The following MAML2 variants were observed in gnomAD, a reference collection of about 807,000 sequenced individuals.
The protein encoded by MAML2 is mastermind like transcriptional coactivator 2.
A neutral mutation model predicts 96.1 loss-of-function variants in MAML2; 22 were observed. That is an observed-to-expected ratio of 0.23 (90% confidence interval 0.16 to 0.33). The LOEUF (loss-of-function observed/expected upper bound fraction) is 0.33, where lower values mean the gene tolerates loss of function less well. MAML2 is among the 10% of genes least tolerant of loss of function. MAML2 has a pLI of 1.00. For missense variants in MAML2, 1,367 were observed against 1,392.4 expected (o/e 0.98, Z 0.29); for synonymous variants, 561 against 521.3 (o/e 1.08, Z -1.04).
chr11:96,178,886 G>C (rs867999367), intron 1 of MAML2, among the ~76,000 whole-genome samples: 5 of 152,150 alleles, frequency 3.3e-5, no homozygotes, highest in African/African-American at 1.2e-4. Context: ...GCTATTGGGG[G>C]AAGAAGATAA....
In MAML2 at chr11:96,119,224, CTG is replaced by C. The variant is rs149173693; in HGVS notation, c.514-25709_514-25708del. 7.1e-3 allele frequency among the ~76,000 whole-genome samples: 1,081 copies of C among 152,266 alleles called. 29 individuals carry two copies. The highest frequency in any genetic ancestry group is 0.024 in the African/African-American group (1,010 of 41,550). ...ATGTGAACTTACATGGCAAAAGAGA[CTG>C]TGTTCTAAAATTTAGTTAAGGATCT... is the stretch of plus-strand genomic sequence containing the variant. On this transcript the variant is annotated intron_variant, in intron 1 of 4. Transcript: ENST00000524717.
intron 2 of MAML2, among the ~76,000 whole-genome samples, chr11:96,082,684 T>C (rs985864609): frequency 1.3e-5 from 2 of 152,134 alleles, no homozygotes; most frequent in South Asian, 4.1e-4. Flanking sequence ...GCCTCATCCC[T>C]AAGGAGTATG....
At chr11:96,101,141 T>C (rs1179795267) in intron 1 of MAML2, among the ~76,000 whole-genome samples, 1 of 152,162 alleles carries the variant, frequency 6.6e-6, no homozygotes, top group Non-Finnish European at 1.5e-5. Context: ...GAAGTCAACA[T>C]ACTGCCCTTC....
intron 3 of MAML2, 127 bp downstream of exon 3, chr11:95,991,393 C>A: frequency 1.2e-6 from 1 of 856,470 alleles, no homozygotes; most frequent in Non-Finnish European, 1.9e-6. Context: ...TGGAATTATC[C>A]TCTCTTACAG....
chr11:96,328,045 A>G (rs1007340773), intron 1 of MAML2, among the ~76,000 whole-genome samples: 1 of 152,080 alleles, frequency 6.6e-6, no homozygotes, highest in African/African-American at 2.4e-5. Context: ...ACAGTGAGCC[A>G]AGATTGTGCC....
chr11:96,326,927 T>A (rs897326662), intron 1 of MAML2, among the ~76,000 whole-genome samples: 1 of 152,190 alleles, frequency 6.6e-6, no homozygotes, highest in East Asian at 1.9e-4. Context: ...CTGCCCAGGT[T>A]CTTGGTCTCA....
At chr11:96,162,485 G>A (rs984778583) in intron 1 of MAML2, among the ~76,000 whole-genome samples, 6 of 151,734 alleles carry the variant, frequency 4.0e-5, no homozygotes, top group East Asian at 1.9e-4. Context: ...AGGCTGAGGC[G>A]GGCGGATCAC....
chr11:96,336,402 T>C (rs1330659087), intron 1 of MAML2, among the ~76,000 whole-genome samples: 2 of 152,250 alleles, frequency 1.3e-5, no homozygotes. Flanking sequence ...TGTTACTTTA[T>C]TGAAGTGGTT....
At chr11:96,262,500 C>G (rs552027617) in intron 1 of MAML2, among the ~76,000 whole-genome samples, 148 of 151,146 alleles carry the variant, frequency 9.8e-4, no homozygotes, top group South Asian at 6.0e-3. Flanking sequence ...TGGAGTCTCG[C>G]TCTGTTGCCC....
intron 1 of MAML2, among the ~76,000 whole-genome samples, chr11:96,096,311 T>G (rs960582244): frequency 6.6e-6 from 1 of 152,174 alleles, no homozygotes; most frequent in Non-Finnish European, 1.5e-5. Context: ...ATAGAATTAG[T>G]GATAATTGTA....
At chr11:96,023,174 A>T (rs1858462496) in intron 2 of MAML2, among the ~76,000 whole-genome samples, 1 of 152,176 alleles carries the variant, frequency 6.6e-6, no homozygotes. Flanking sequence ...CCACTATGCT[A>T]CTGACAGAAA....
chr11:96,009,757 T>C (rs892812366), intron 2 of MAML2, among the ~76,000 whole-genome samples: 2 of 152,216 alleles, frequency 1.3e-5, no homozygotes, highest in African/African-American at 4.8e-5. Context: ...TAAATGCAAA[T>C]AATAATTCAC....
intron 2 of MAML2, among the ~76,000 whole-genome samples, chr11:96,082,463 G>A (rs1314973769): frequency 1.3e-5 from 2 of 152,174 alleles, no homozygotes; most frequent in Non-Finnish European, 2.9e-5. Context: ...AAGGGCTGGG[G>A]TTCCAAGATA....
intron 1 of MAML2, among the ~76,000 whole-genome samples, chr11:96,155,875 G>A (rs968542776): frequency 2.6e-5 from 4 of 152,106 alleles, no homozygotes; most frequent in African/African-American, 9.7e-5. Flanking sequence ...TAACTGCAAT[G>A]TGGCCTCTGT....
intron 1 of MAML2, among the ~76,000 whole-genome samples, chr11:96,272,960 G>A (rs1224953201): frequency 6.6e-6 from 1 of 152,198 alleles, no homozygotes; most frequent in African/African-American, 2.4e-5. Context: ...GCACGCAGTT[G>A]TAAGGCTGAG....
At chr11:96,254,570 C>T (rs1278487943) in intron 1 of MAML2, among the ~76,000 whole-genome samples, 1 of 151,406 alleles carries the variant, frequency 6.6e-6, no homozygotes, top group Non-Finnish European at 1.5e-5. Flanking sequence ...CTTTACATTG[C>T]CCCATTCTAA....
At chr11:96,294,958 A>C (rs1008384486) in intron 1 of MAML2, among the ~76,000 whole-genome samples, 46 of 152,204 alleles carry the variant, frequency 3.0e-4, no homozygotes, top group South Asian at 2.1e-4. Flanking sequence ...ATTTGAATAC[A>C]AATTAATTTT....
intron 1 of MAML2, among the ~76,000 whole-genome samples, chr11:96,152,817 G>A (rs1457251588): frequency 6.6e-6 from 1 of 152,172 alleles, no homozygotes; most frequent in Non-Finnish European, 1.5e-5. Context: ...GCTCAAACAT[G>A]TCGGGGCATT....
At chr11:96,019,034 G>T (rs1858397810) in intron 2 of MAML2, among the ~76,000 whole-genome samples, 1 of 152,132 alleles carries the variant, frequency 6.6e-6, no homozygotes, top group Non-Finnish European at 1.5e-5. Flanking sequence ...AGTTAGGATT[G>T]GGGATAATTT....
Sources: gnomAD v4.1 joint callset for allele counts (sites outside exome capture counted in the v4.1 genomes callset) on GRCh38, gnomAD v4.1.1 for gene constraint, MANE v1.5 for transcripts, NCBI Gene and HGNC (gene_info 2026-07-23, HGNC 2026-07-21) for gene names.